Variants in MFF observed in about 807,000 individuals in gnomAD.
MFF encodes the protein chromosome 2 open reading frame 33.
Under a neutral mutation model 36.9 loss-of-function variants are expected in MFF, and 12 were observed. The observed-to-expected ratio is 0.33, with a 90% CI of 0.21 to 0.53. The LOEUF (loss-of-function observed/expected upper bound fraction) is 0.53, where lower values mean the gene tolerates loss of function less well. MFF is among the 20% of genes least tolerant of loss of function. The probability of loss-of-function intolerance (pLI) is 0.95; values close to 1 mark genes in which losing one functional copy is unlikely to be tolerated. For missense variants in MFF, 348 were observed against 366.6 expected, an observed-to-expected ratio of 0.95 and a Z score of 0.42; for synonymous variants, 99 against 126.2, an observed-to-expected ratio of 0.78 and a Z score of 1.44.
chr2:227,351,159 T>C (rs2075976069), intron 6 of MFF, among the ~76,000 whole-genome samples: 1 of 152,188 alleles, frequency 6.6e-6, no homozygotes, highest in Non-Finnish European at 1.5e-5. Context: ...ATAACAGGTT[T>C]CCTAATGCCA....
intron 4 of MFF, among the ~76,000 whole-genome samples, chr2:227,332,945 G>A (rs957477006): frequency 3.9e-5 from 6 of 152,276 alleles, no homozygotes; most frequent in African/African-American, 1.2e-4. Flanking sequence ...AGCAAACAGG[G>A]CAAAGAAAAC....
chr2:227,347,841 T>A (rs2106436256), intron 6 of MFF, among the ~76,000 whole-genome samples: 1 of 152,376 alleles, frequency 6.6e-6, no homozygotes, highest in East Asian at 1.9e-4. Context: ...TCCTTTCCTC[T>A]CAGCTACGGA....
intron 5 of MFF, among the ~76,000 whole-genome samples, chr2:227,343,111 C>G (rs2075499459): frequency 6.6e-6 from 1 of 151,410 alleles, no homozygotes; most frequent in African/African-American, 2.4e-5. Flanking sequence ...GTTTATTTTG[C>G]TTTGGTTGGT....
Position 227,347,399 on chromosome 2 carries a change from G to A in MFF, c.599+15G>A, listed in dbSNP as rs374358270. On this transcript the variant is annotated intron_variant, in intron 6 of 8. Transcript: ENST00000304593. Reference sequence around the variant, plus strand: ...GAAAATCGCAGGTGATTGGCCATCCGTGACTCTTGACAGCTTTATTGCATA... The same window carrying A: ...GAAAATCGCAGGTGATTGGCCATCCATGACTCTTGACAGCTTTATTGCATA... 3.7e-6 allele frequency: 6 copies of A among 1,612,590 alleles called. No homozygotes were observed. The highest frequency in any genetic ancestry group is 1.7e-5 in the Admixed American group (1 of 59,988).
chr2:227,343,198 CT>C (rs1281473672), intron 5 of MFF, among the ~76,000 whole-genome samples: 1 of 151,386 alleles, frequency 6.6e-6, no homozygotes, highest in Admixed American at 6.6e-5. Flanking sequence ...AGCGCACTGT[CT>C]TTTCTTCTTC....
chr2:227,339,201 C>CA (rs369858631), intron 4 of MFF, among the ~76,000 whole-genome samples: 19,519 of 125,246 alleles, frequency 0.16, 1,361 homozygotes, highest in Middle Eastern at 0.18. Flanking sequence ...GATCCTATCT[C>CA]AAAAAAAAAA....
At chr2:227,331,754 AC>A (rs1402171867) in intron 3 of MFF, among the ~76,000 whole-genome samples, 2 of 152,072 alleles carry the variant, frequency 1.3e-5, no homozygotes, top group African/African-American at 4.8e-5. Flanking sequence ...ATAATTTTGA[AC>A]ATCTGCTCAT....
intron 5 of MFF, chr2:227,342,884 C>A: frequency 7.4e-7 from 1 of 1,344,476 alleles, no homozygotes. Context: ...TATGTTAATA[C>A]TAATCTATTC....
Position 227,330,736 on chromosome 2 carries a change from C to T in MFF, c.71C>T (p.Pro24Leu). ...TEGISQRMRVPEKLKVAPPNA... is the reference protein window; with the variant it reads ...TEGISQRMRVLEKLKVAPPNA... ...GGCATTAGTCAGCGAATGAGGGTCC[C>T]AGAAAAGTTAAAAGTAGCACCGCCA... The change falls in exon 3 of 9, where the codon CCA becomes CTA. Residue 24 changes from proline (P) to leucine (L), a missense_variant. Physicochemically the swap from Pro to Leu is moderately conservative, Grantham distance 98. Coordinates refer to ENST00000304593, the MANE Select transcript of MFF (RefSeq NM_001277062.2). The T allele has an allele frequency of 6.2e-7, 1 of 1,614,170 alleles. No individual in the cohort carries two copies. Among genetic ancestry groups the T allele is most frequent in the Non-Finnish European group, 8.5e-7 (1 of 1,180,010 alleles).
In MFF at chr2:227,329,756, G is replaced by C. The variant is rs145010660; in HGVS notation, c.-40-870G>C. The C allele has an allele frequency of 1.5e-5, 23 of 1,579,496 alleles. 1 individual carries two copies. The African/African-American group carries it at 2.0e-4, about 14-fold the overall frequency. ...ATTTACTGTATTTAAATGAGTAAAGGAACAAGCAGTGACACATCACTAGGA... is the reference window on the plus strand; with the variant it reads ...ATTTACTGTATTTAAATGAGTAAAGCAACAAGCAGTGACACATCACTAGGA... On this transcript the variant is annotated intron_variant, in intron 2 of 8. Coordinates refer to ENST00000304593, the MANE Select transcript of MFF (RefSeq NM_001277062.2).
At chr2:227,343,746 T>C (rs188885715) in intron 5 of MFF, among the ~76,000 whole-genome samples, 283 of 152,252 alleles carry the variant, frequency 1.9e-3, no homozygotes, top group African/African-American at 6.3e-3. Context: ...TAAATTTTTA[T>C]TTAAATTTTA....
At chr2:227,342,806 G>A (rs1223109408) in intron 5 of MFF, 1 of 1,613,442 alleles carries the variant, frequency 6.2e-7, no homozygotes, top group Non-Finnish European at 8.5e-7. Context: ...ACCGATTTCT[G>A]CACCGGAGTA....
intron 7 of MFF, among the ~76,000 whole-genome samples, chr2:227,353,354 C>T (rs770379726): frequency 6.6e-6 from 1 of 152,066 alleles, no homozygotes; most frequent in Non-Finnish European, 1.5e-5. Context: ...AATATATTGT[C>T]GGTAGCAGTA....
At chr2:227,354,369 A>G (rs539648456) in intron 7 of MFF, among the ~76,000 whole-genome samples, 94 of 152,290 alleles carry the variant, frequency 6.2e-4, no homozygotes, top group African/African-American at 2.1e-3. Flanking sequence ...TGGGATAGGT[A>G]TTAGAATAGA....
chr2:227,325,972 T>C (rs1189454304), intron 1 of MFF, among the ~76,000 whole-genome samples: 2 of 152,194 alleles, frequency 1.3e-5, no homozygotes, highest in Non-Finnish European at 2.9e-5. Context: ...CCTGTCCGTC[T>C]GTGAGCATCC....
chr2:227,337,507 A>G (rs1327609990), intron 4 of MFF, among the ~76,000 whole-genome samples: 1 of 152,246 alleles, frequency 6.6e-6, no homozygotes, highest in Non-Finnish European at 1.5e-5. Context: ...CAAAAAACCT[A>G]GAGGACATTT....
Position 227,330,664 on chromosome 2 carries a change from A to G in MFF, c.-2A>G. 6.2e-7 allele frequency: 1 copy of G among 1,614,096 alleles called. No homozygotes were observed. Among genetic ancestry groups the G allele is most frequent in the Non-Finnish European group, 8.5e-7 (1 of 1,179,930 alleles). ...GCATTTCCTTCTCCCACTGCTGCTG[A>G]GATGGCAGAAATTAGTCGAATTCAG... On this transcript the variant is annotated 5_prime_UTR_variant, in exon 3 of 9. Coordinates refer to ENST00000304593, the MANE Select transcript of MFF (RefSeq NM_001277062.2).
At chr2:227,343,023 AG>A (rs780896178) in intron 5 of MFF, among the ~76,000 whole-genome samples, 5 of 152,100 alleles carry the variant, frequency 3.3e-5, no homozygotes, top group Non-Finnish European at 7.4e-5. Context: ...CATCTAAGGA[AG>A]TTGTATATGA....
At chr2:227,350,029 G>C (rs1263438167) in intron 6 of MFF, among the ~76,000 whole-genome samples, 2 of 152,088 alleles carry the variant, frequency 1.3e-5, no homozygotes, top group African/African-American at 4.8e-5. Flanking sequence ...ACTGTGTTCA[G>C]TTTACATTTT....
Sources: allele counts gnomAD v4.1 joint callset (sites outside exome capture counted in the v4.1 genomes callset), GRCh38; gene constraint gnomAD v4.1.1; transcripts MANE v1.5; gene names NCBI Gene and HGNC (gene_info 2026-07-23, HGNC 2026-07-21).